The following SP4 variants were observed in gnomAD, a reference collection of about 807,000 sequenced individuals.
SP4 encodes transcription factor Sp4.
Under a neutral mutation model 72.8 loss-of-function variants are expected in SP4, and 19 were observed. The observed-to-expected ratio is 0.26, with a 90% CI of 0.18 to 0.38. The LOEUF (loss-of-function observed/expected upper bound fraction) is 0.38. SP4 is among the 10% of genes least tolerant of loss of function. The pLI, the probability that SP4 is intolerant of heterozygous loss-of-function variation, is 1.00. For synonymous variants in SP4, 395 were observed against 333.1 expected (o/e 1.19, Z -2.02); for missense variants, 1,008 against 926.3 (o/e 1.09, Z -1.14).
intron 5 of SP4, among the ~76,000 whole-genome samples, chr7:21,508,072 C>T (rs28419471): frequency 0.035 from 5,314 of 152,124 alleles, 323 homozygotes; most frequent in East Asian, 0.25. Context: ...CCTGTGTCGC[C>T]TCTGCTGCCT....
chr7:21,494,065 T>G (rs1562624224), intron 5 of SP4, among the ~76,000 whole-genome samples: 1 of 152,142 alleles, frequency 6.6e-6, no homozygotes, highest in Non-Finnish European at 1.5e-5. Flanking sequence ...AAACACACAA[T>G]AAATATTTGG....
rs140236204 is a variant in SP4, at chr7:21,488,889, T to C, written c.2107+6766T>C. 1.1e-3 allele frequency among the ~76,000 whole-genome samples: 168 copies of C among 152,364 alleles called. 2 individuals are homozygous for C. Among genetic ancestry groups the C allele is most frequent in the African/African-American group, 3.8e-3 (159 of 41,576 alleles). Reference sequence around the variant, plus strand: ...TTACATGTGTTAATATAGTGTACTTTGTGAATATTTTATTGTAGATACTTT... The same window carrying C: ...TTACATGTGTTAATATAGTGTACTTCGTGAATATTTTATTGTAGATACTTT... On this transcript the variant is annotated intron_variant, in intron 5 of 5. Coordinates refer to ENST00000222584, the MANE Select transcript of SP4 (RefSeq NM_003112.5).
chr7:21,453,147 G>A (rs183358139), intron 3 of SP4, among the ~76,000 whole-genome samples: 3 of 152,286 alleles, frequency 2.0e-5, no homozygotes, highest in Admixed American at 2.0e-4. Flanking sequence ...AATTAGCAAT[G>A]TTTTAAGCAA....
chr7:21,476,230 T>G (rs1319093612), intron 3 of SP4, among the ~76,000 whole-genome samples: 1 of 132,334 alleles, frequency 7.6e-6, no homozygotes, highest in Admixed American at 8.8e-5. Context: ...GCCGAGATCG[T>G]GCTACTGCAC....
In SP4 at chr7:21,477,261, C is replaced by G; in HGVS notation, c.1861C>G (p.Arg621Gly). ...AGAGGTACAACCTGGCAAGAGGCTT[C>G]GAAGAGTTGCCTGTTCCTGTCCTAA... ...DQEVQPGKRL[R>G]RVACSCPNCR... The change falls in exon 4 of 6, where the codon CGA becomes GGA. Residue 621 changes from arginine (R) to glycine (G), a missense_variant. Around this residue, in one of 3 missense-constraint regions of SP4, gnomAD observed 893 missense variants for 743.3 expected, o/e 1.20. Transcript: ENST00000222584. 4 of 1,614,012 alleles carry G rather than the reference C, an allele frequency of 2.5e-6. No individual in the cohort carries two copies. Among genetic ancestry groups the G allele is most frequent in the Non-Finnish European group, 3.4e-6 (4 of 1,179,942 alleles).
At chr7:21,505,598 T>C (rs774929543) in intron 5 of SP4, among the ~76,000 whole-genome samples, 11 of 152,178 alleles carry the variant, frequency 7.2e-5, no homozygotes, top group Non-Finnish European at 1.6e-4. Flanking sequence ...TCCTAAAGTC[T>C]AGGGGACATG....
At chr7:21,469,347 A>G (rs1418425565) in intron 3 of SP4, among the ~76,000 whole-genome samples, 1 of 148,748 alleles carries the variant, frequency 6.7e-6, no homozygotes, top group Non-Finnish European at 1.5e-5. Context: ...GTGGTAATCT[A>G]TGGGTAATTA....
intron 3 of SP4, among the ~76,000 whole-genome samples, chr7:21,472,319 C>G (rs1479080262): frequency 3.3e-5 from 5 of 152,020 alleles, no homozygotes; most frequent in Non-Finnish European, 5.9e-5. Flanking sequence ...TTCTCTGTCA[C>G]CCAGGCTGAA....
intron 3 of SP4, among the ~76,000 whole-genome samples, chr7:21,432,064 A>G (rs1225134725): frequency 6.6e-6 from 1 of 152,222 alleles, no homozygotes; most frequent in African/African-American, 2.4e-5. Context: ...GATGTTGGAA[A>G]TGTTTATGTT....
At chr7:21,461,991 A>G (rs1449356447) in intron 3 of SP4, among the ~76,000 whole-genome samples, 3 of 151,474 alleles carry the variant, frequency 2.0e-5, no homozygotes, top group Non-Finnish European at 4.4e-5. Flanking sequence ...GGTAGGGGAC[A>G]GGAAGTTTCA....
chr7:21,489,684 C>G (rs28516066), intron 5 of SP4, among the ~76,000 whole-genome samples: 56,813 of 150,494 alleles, frequency 0.38, 10,873 homozygotes, highest in African/African-American at 0.43. Context: ...CTCAGCCTCC[C>G]GAGTAGCTGG....
At chr7:21,440,050 G>T (rs2128393918) in intron 3 of SP4, among the ~76,000 whole-genome samples, 1 of 152,290 alleles carries the variant, frequency 6.6e-6, no homozygotes, top group South Asian at 2.1e-4. Context: ...TTGATCAGAG[G>T]TATGGTTCTT....
intron 3 of SP4, among the ~76,000 whole-genome samples, chr7:21,472,226 A>G (rs1439459266): frequency 6.6e-6 from 1 of 152,180 alleles, no homozygotes. Context: ...ATGAGAAGTC[A>G]GAACCCTGGA....
chr7:21,475,115 TTTTTGTTTTTTTTTTTGAGACAGAGTC>T (rs1784460743), intron 3 of SP4, among the ~76,000 whole-genome samples: 1 of 151,624 alleles, frequency 6.6e-6, no homozygotes, highest in Non-Finnish European at 1.5e-5. Context: ...TGTTTTTTGT[TTTTTGTTTTTTTTTTTGAGACAGAGTC>T]TCACTCTTGA....
intron 3 of SP4, among the ~76,000 whole-genome samples, chr7:21,453,272 T>C (rs1369887216): frequency 1.3e-5 from 2 of 152,242 alleles, no homozygotes; most frequent in Non-Finnish European, 2.9e-5. Context: ...AAAGGTTTTT[T>C]TCTTTATCCT....
chr7:21,508,481 C>T (rs1782063326), intron 5 of SP4, among the ~76,000 whole-genome samples: 3 of 152,152 alleles, frequency 2.0e-5, no homozygotes, highest in Admixed American at 1.3e-4. Context: ...CGTGCATCAC[C>T]ACGCCCAGCT....
chr7:21,495,806 T>G (rs1171317007), intron 5 of SP4, among the ~76,000 whole-genome samples: 1 of 152,122 alleles, frequency 6.6e-6, no homozygotes, highest in African/African-American at 2.4e-5. Context: ...TGTGCATGTG[T>G]GTGTGTGTGG....
At chr7:21,485,375 G>C (rs531655106) in intron 5 of SP4, among the ~76,000 whole-genome samples, 1 of 151,874 alleles carries the variant, frequency 6.6e-6, no homozygotes, top group African/African-American at 2.4e-5. Context: ...TATGCATATG[G>C]TATTTAAAAA....
intron 5 of SP4, among the ~76,000 whole-genome samples, chr7:21,506,100 A>G (rs941418107): frequency 2.0e-5 from 3 of 152,190 alleles, no homozygotes; most frequent in East Asian, 3.9e-4. Context: ...CTACTTCAGG[A>G]ACAAGTGACG....
Sources: allele counts gnomAD v4.1 joint callset (sites outside exome capture counted in the v4.1 genomes callset), GRCh38; gene constraint gnomAD v4.1.1; regional missense constraint gnomAD v4.1.1; transcripts MANE v1.5; gene names NCBI Gene and HGNC (gene_info 2026-07-23, HGNC 2026-07-21).